The following MLIP variants were observed in gnomAD, a reference collection of about 807,000 sequenced individuals.
MLIP encodes the protein muscular LMNA-interacting protein.
MLIP carries 79 observed loss-of-function variants against 84.8 expected under a neutral mutation model. The observed-to-expected ratio is 0.93, with a 90% CI of 0.78 to 1.12. The LOEUF (loss-of-function observed/expected upper bound fraction) is 1.12. Ranked by LOEUF, MLIP falls within the 50% of genes most tolerant of loss-of-function variation. The probability of loss-of-function intolerance (pLI) is 0.00; values close to 1 mark genes in which losing one functional copy is unlikely to be tolerated. For missense variants in MLIP, 1,257 were observed against 1,160.6 expected (o/e 1.08, Z -1.21); for synonymous variants, 504 against 463.0 (o/e 1.09, Z -1.14).
chr6:54,095,380 C>T (rs1041701770), intron 1 of MLIP, among the ~76,000 whole-genome samples: 1 of 152,078 alleles, frequency 6.6e-6, no homozygotes, highest in African/African-American at 2.4e-5. Flanking sequence ...GCTAACCCAC[C>T]TTAGACTGAC....
chr6:54,221,442 C>A (rs1372757681), intron 11 of MLIP, among the ~76,000 whole-genome samples: 1 of 151,766 alleles, frequency 6.6e-6, no homozygotes, highest in African/African-American at 2.4e-5. Context: ...ACAGAGTATT[C>A]CAGGTACCTA....
intron 1 of MLIP, among the ~76,000 whole-genome samples, chr6:54,034,325 T>C (rs1482344779): frequency 6.6e-6 from 1 of 152,214 alleles, no homozygotes; most frequent in Non-Finnish European, 1.5e-5. Flanking sequence ...AATATAATTA[T>C]ATTATTTCAC....
intron 1 of MLIP, among the ~76,000 whole-genome samples, chr6:54,072,584 T>C (rs550686173): frequency 1.3e-5 from 2 of 152,322 alleles, no homozygotes; most frequent in South Asian, 4.1e-4. Flanking sequence ...TCTGCCATAT[T>C]CTGAGTGAAA....
intron 11 of MLIP, among the ~76,000 whole-genome samples, chr6:54,218,840 C>A (rs1177371135): frequency 3.3e-5 from 5 of 151,474 alleles, no homozygotes; most frequent in Non-Finnish European, 5.9e-5. Flanking sequence ...CAATAATAAC[C>A]TCAGCTTACT....
intron 9 of MLIP, among the ~76,000 whole-genome samples, chr6:54,171,512 C>A (rs1160046361): frequency 6.6e-6 from 1 of 151,448 alleles, no homozygotes; most frequent in Non-Finnish European, 1.5e-5. Context: ...AGTTTGGCGC[C>A]AACTCTCGGG....
intron 4 of MLIP, among the ~76,000 whole-genome samples, chr6:54,142,609 C>T (rs1303392864): frequency 6.6e-6 from 1 of 152,050 alleles, no homozygotes; most frequent in Non-Finnish European, 1.5e-5. Flanking sequence ...GTAGGAGGGT[C>T]TTGTGGGCCA....
intron 1 of MLIP, among the ~76,000 whole-genome samples, chr6:54,120,404 T>A (rs545309960): frequency 6.6e-6 from 1 of 151,708 alleles, no homozygotes; most frequent in African/African-American, 2.4e-5. Flanking sequence ...CCGGCTCATT[T>A]TTTTTTGTAT....
chr6:54,156,114 A>G (rs1773999627), intron 5 of MLIP, among the ~76,000 whole-genome samples: 2 of 152,130 alleles, frequency 1.3e-5, no homozygotes, highest in East Asian at 3.9e-4. Context: ...ATGGAGATTT[A>G]AAGTATGCTT....
At chr6:54,058,008 C>A (rs1561898962) in intron 1 of MLIP, 2 of 152,110 alleles carry the variant, frequency 1.3e-5, no homozygotes, top group Non-Finnish European at 2.9e-5. Flanking sequence ...AAACTTTAAA[C>A]AGAAAGCTAA....
intron 5 of MLIP, among the ~76,000 whole-genome samples, chr6:54,154,004 T>A (rs2150538603): frequency 6.6e-6 from 1 of 152,046 alleles, no homozygotes; most frequent in Admixed American, 6.6e-5. Context: ...TGGAGAAGAG[T>A]CCAGGACTCA....
At chr6:54,078,307 G>A (rs189569369) in intron 1 of MLIP, among the ~76,000 whole-genome samples, 2 of 152,314 alleles carry the variant, frequency 1.3e-5, no homozygotes, top group African/African-American at 2.4e-5. Flanking sequence ...AGTAATGTCA[G>A]CAGCTAGGCA....
intron 10 of MLIP, 105 bp from the exon 11 acceptor site, chr6:54,202,000 A>G: frequency 1.3e-6 from 1 of 796,382 alleles, no homozygotes; most frequent in Non-Finnish European, 1.7e-6. Flanking sequence ...AAAAAAATAT[A>G]ATTTTCTGTG....
chr6:54,047,178 G>T (rs953698433), intron 1 of MLIP: 2 of 152,106 alleles, frequency 1.3e-5, no homozygotes, highest in African/African-American at 4.8e-5. Context: ...TTGAACAAAA[G>T]ACATATTCAG....
chr6:54,077,377 A>T (rs1002575548), intron 1 of MLIP, among the ~76,000 whole-genome samples: 2 of 146,968 alleles, frequency 1.4e-5, no homozygotes, highest in African/African-American at 5.0e-5. Context: ...AAACTTCATT[A>T]AAAAAAAAAA....
Position 54,100,828 on chromosome 6 carries a change from A to G in MLIP, c.64-20619A>G, listed in dbSNP as rs59852167. Among the ~76,000 whole-genome samples the G allele has an allele frequency of 2.4e-3, 368 of 152,192 alleles. 2 individuals are homozygous for G. Among genetic ancestry groups the G allele is most frequent in the African/African-American group, 8.4e-3 (351 of 41,552 alleles). ...ATGATTGCATGTGTTGGGCCCCAGC[A>G]CACCTCCCAGACTGTGAAAACACAT... On this transcript the variant is annotated intron_variant, in intron 1 of 12. Transcript: ENST00000274897.
chr6:54,074,222 A>G (rs1766656021), intron 1 of MLIP, among the ~76,000 whole-genome samples: 1 of 152,176 alleles, frequency 6.6e-6, no homozygotes, highest in African/African-American at 2.4e-5. Context: ...AGAAATATGT[A>G]ATTGATTTTA....
chr6:54,213,734 A>AAAAAAAAAAC (rs368508685), intron 11 of MLIP, among the ~76,000 whole-genome samples: 1 of 82,370 alleles, frequency 1.2e-5, no homozygotes, highest in African/African-American at 4.5e-5. Flanking sequence ...AAAAAAAAAA[A>AAAAAAAAAAC]AACAACAAAC....
At chr6:54,250,161 T>G (rs77560219) in intron 12 of MLIP, among the ~76,000 whole-genome samples, 10 of 152,158 alleles carry the variant, frequency 6.6e-5, no homozygotes, top group Admixed American at 2.6e-4. Context: ...CACAATGAGA[T>G]ACCATCTCAT....
At chr6:54,186,455 A>T (rs914210916) in intron 9 of MLIP, among the ~76,000 whole-genome samples, 3 of 152,176 alleles carry the variant, frequency 2.0e-5, no homozygotes, top group South Asian at 2.1e-4. Flanking sequence ...GGGACTTCCA[A>T]GTTTGTATTA....
Sources: allele counts gnomAD v4.1 joint callset (sites outside exome capture counted in the v4.1 genomes callset), GRCh38; gene constraint gnomAD v4.1.1; transcripts MANE v1.5; gene names NCBI Gene and HGNC (gene_info 2026-07-23, HGNC 2026-07-21).